NCAM2: variants seen among roughly 807,000 people sequenced by gnomAD.
NCAM2 encodes the protein N-CAM-2.
Under a neutral mutation model 98.1 loss-of-function variants are expected in NCAM2, and 30 were observed. The observed-to-expected ratio is 0.31, with a 90% CI of 0.23 to 0.41. The LOEUF is 0.41. NCAM2 is among the 10% of genes least tolerant of loss of function. The pLI is 1.00. For synonymous variants in NCAM2, 368 were observed against 342.4 expected (o/e 1.07, Z -0.83); for missense variants, 867 against 1,005.8 (o/e 0.86, Z 1.87).
chr21:21,162,593 G>GTTCGTACAA (rs1236411095), intron 1 of NCAM2, among the ~76,000 whole-genome samples: 1 of 152,046 alleles, frequency 6.6e-6, no homozygotes, highest in Non-Finnish European at 1.5e-5. Flanking sequence ...GTCCTCTCAA[G>GTTCGTACAA]TTCGTACAAT....
chr21:21,473,373 A>AATATATATATATATATATATATATAT (rs57318222), intron 14 of NCAM2, among the ~76,000 whole-genome samples: 46 of 140,476 alleles, frequency 3.3e-4, no homozygotes, highest in Middle Eastern at 3.7e-3. Flanking sequence ...TATATGTATA[A>AATATATATATATATATATATATATAT]ATATATATAT....
intron 8 of NCAM2, among the ~76,000 whole-genome samples, chr21:21,356,428 C>T (rs939423335): frequency 2.0e-5 from 3 of 151,948 alleles, no homozygotes; most frequent in African/African-American, 7.3e-5. Context: ...ATGGAGTGAA[C>T]TTTTCACAAT....
At chr21:21,265,264 C>A (rs1568856439) in intron 1 of NCAM2, among the ~76,000 whole-genome samples, 1 of 123,584 alleles carries the variant, frequency 8.1e-6, no homozygotes. Context: ...TACGTATATA[C>A]ACACATATAT....
chr21:21,289,462 A>C (rs1332322653), intron 4 of NCAM2, among the ~76,000 whole-genome samples: 2 of 151,986 alleles, frequency 1.3e-5, no homozygotes, highest in Non-Finnish European at 2.9e-5. Context: ...GATGCCTGCC[A>C]GGAGGAAAAA....
At chr21:21,317,720 C>G (rs1049584266) in intron 5 of NCAM2, among the ~76,000 whole-genome samples, 11 of 151,664 alleles carry the variant, frequency 7.3e-5, no homozygotes, top group Non-Finnish European at 1.5e-5. Flanking sequence ...TTTTTTGTAG[C>G]GACAGGCTCT....
chr21:21,136,444 G>T (rs984087670), intron 1 of NCAM2, among the ~76,000 whole-genome samples: 1 of 148,438 alleles, frequency 6.7e-6, no homozygotes, highest in Admixed American at 6.7e-5. Context: ...ATGCTAAATT[G>T]TACTCTACTC....
intron 16 of NCAM2, among the ~76,000 whole-genome samples, chr21:21,515,919 C>T (rs547477675): frequency 2.0e-5 from 3 of 152,222 alleles, no homozygotes; most frequent in Admixed American, 6.5e-5. Flanking sequence ...AAAAATAGAC[C>T]ATGGGCCATG....
At chr21:21,266,916 A>G (rs2072304889) in intron 1 of NCAM2, among the ~76,000 whole-genome samples, 1 of 152,176 alleles carries the variant, frequency 6.6e-6, no homozygotes, top group Non-Finnish European at 1.5e-5. Context: ...GGGAGCACAC[A>G]GAGAGACATA....
intron 9 of NCAM2, among the ~76,000 whole-genome samples, chr21:21,374,518 G>A (rs1650521009): frequency 1.3e-5 from 2 of 151,892 alleles, no homozygotes; most frequent in Admixed American, 1.3e-4. Context: ...GAAGAAAGGA[G>A]CATGACAAGG....
At chr21:21,238,843 G>A (rs911650961) in intron 1 of NCAM2, among the ~76,000 whole-genome samples, 3 of 152,092 alleles carry the variant, frequency 2.0e-5, no homozygotes, top group African/African-American at 7.2e-5. Context: ...TTGCAAAATG[G>A]CAGCTCCTCA....
At chr21:21,370,780 A>G (rs141199393) in intron 8 of NCAM2, among the ~76,000 whole-genome samples, 170 of 152,014 alleles carry the variant, frequency 1.1e-3, no homozygotes, top group African/African-American at 3.9e-3. Flanking sequence ...CTTAAAATGG[A>G]AATACTAGCC....
At chr21:21,086,409 C>T (rs1419544160) in intron 1 of NCAM2, among the ~76,000 whole-genome samples, 1 of 152,168 alleles carries the variant, frequency 6.6e-6, no homozygotes, top group Admixed American at 6.5e-5. Context: ...ACACATTTTA[C>T]GTTTACATTT....
chr21:21,302,166 T>C lies in NCAM2; in HGVS notation c.619+9925T>C, dbSNP rs188393250. 7.5e-3 allele frequency among the ~76,000 whole-genome samples: 1,097 copies of C among 146,500 alleles called. 30 individuals are homozygous for C. Among genetic ancestry groups the C allele is most frequent in the Admixed American group, 0.055 (826 of 14,972 alleles). Reference sequence around the variant, plus strand: ...TGCTATAAAGACACATGCACACGTATGTTTATTGCGGCATTATTCACAATA... The same window carrying C: ...TGCTATAAAGACACATGCACACGTACGTTTATTGCGGCATTATTCACAATA... On this transcript the variant is annotated intron_variant, in intron 5 of 17. Coordinates refer to ENST00000400546, the MANE Select transcript of NCAM2 (RefSeq NM_004540.5).
chr21:21,309,263 A>G (rs2073972269), intron 5 of NCAM2, among the ~76,000 whole-genome samples: 1 of 151,938 alleles, frequency 6.6e-6, no homozygotes, highest in Non-Finnish European at 1.5e-5. Flanking sequence ...TTACCTCTTT[A>G]TCTGCTGTTT....
intron 15 of NCAM2, among the ~76,000 whole-genome samples, chr21:21,491,559 T>TA (rs756606511): frequency 6.6e-6 from 1 of 151,774 alleles, no homozygotes; most frequent in Non-Finnish European, 1.5e-5. Context: ...AATTAGCTTT[T>TA]ATAGTGTAAA....
intron 12 of NCAM2, among the ~76,000 whole-genome samples, chr21:21,452,191 CACACAT>C (rs1235370800): frequency 8.4e-6 from 1 of 119,596 alleles, no homozygotes; most frequent in African/African-American, 2.8e-5. Context: ...CACACACACA[CACACAT>C]AGATGTATGT....
rs528167415 is a variant in NCAM2, at chr21:21,523,410, A to T, written c.2283-11127A>T. Reference sequence around the variant, plus strand: ...TCTGGTTTTATGCTTCTGCATATGGATATCTATCTAGTTTGCCCAGCATGG... The same window carrying T: ...TCTGGTTTTATGCTTCTGCATATGGTTATCTATCTAGTTTGCCCAGCATGG... On this transcript the variant is annotated intron_variant, in intron 16 of 17. Coordinates refer to ENST00000400546, the MANE Select transcript of NCAM2 (RefSeq NM_004540.5). Among the ~76,000 whole-genome samples, 3 of 150,966 alleles carry T rather than the reference A, an allele frequency of 2.0e-5. No individual in the cohort carries two copies. In the Admixed American group the frequency reaches 2.0e-4, roughly 10 times the overall value.
At chr21:21,426,630 A>G (rs1253099610) in intron 11 of NCAM2, among the ~76,000 whole-genome samples, 1 of 152,138 alleles carries the variant, frequency 6.6e-6, no homozygotes, top group Non-Finnish European at 1.5e-5. Flanking sequence ...GCTAATAATC[A>G]CAGCCACACC....
chr21:21,512,255 G>C (rs536226272), intron 16 of NCAM2, among the ~76,000 whole-genome samples: 61 of 152,030 alleles, frequency 4.0e-4, no homozygotes, highest in Middle Eastern at 3.4e-3. Context: ...ATTCTGTTTT[G>C]ATTTGTTCTT....
Sources: allele counts gnomAD v4.1 joint callset (sites outside exome capture counted in the v4.1 genomes callset), GRCh38; gene constraint gnomAD v4.1.1; transcripts MANE v1.5; gene names NCBI Gene and HGNC (gene_info 2026-07-23, HGNC 2026-07-21).